The following CCSER1 variants were observed in gnomAD, a reference collection of about 807,000 sequenced individuals.
The protein encoded by CCSER1 is coiled-coil serine rich protein 1.
Under a neutral mutation model 82.0 loss-of-function variants are expected in CCSER1, and 41 were observed. The observed-to-expected ratio is 0.50, with a 90% confidence interval of 0.39 to 0.65. The LOEUF is 0.65. Among genes scored for constraint, CCSER1 ranks in the 30% least tolerant of loss-of-function variants. The pLI, the probability that CCSER1 is intolerant of heterozygous loss-of-function variation, is 0.00. For missense variants in CCSER1, 1,119 were observed against 1,064.2 expected (o/e 1.05, Z -0.72); for synonymous variants, 414 against 383.9 (o/e 1.08, Z -0.92).
intron 10 of CCSER1, among the ~76,000 whole-genome samples, chr4:91,471,630 T>C (rs1203697145): frequency 6.6e-6 from 1 of 152,140 alleles, no homozygotes; most frequent in African/African-American, 2.4e-5. Flanking sequence ...TCTTTTCCCT[T>C]CAGACTGACT....
chr4:91,232,329 T>A (rs1250762059), intron 10 of CCSER1, among the ~76,000 whole-genome samples: 1 of 151,822 alleles, frequency 6.6e-6, no homozygotes, highest in Non-Finnish European at 1.5e-5. Flanking sequence ...AATCTCAATA[T>A]CCACTGACAG....
chr4:90,400,983 C>T (rs1190526636), intron 4 of CCSER1, among the ~76,000 whole-genome samples: 3 of 151,792 alleles, frequency 2.0e-5, no homozygotes, highest in African/African-American at 7.3e-5. Context: ...ATTTTTAATT[C>T]GTGGAAATTA....
At chr4:90,987,764 G>C (rs571051261) in intron 9 of CCSER1, among the ~76,000 whole-genome samples, 1 of 151,752 alleles carries the variant, frequency 6.6e-6, no homozygotes, top group African/African-American at 2.4e-5. Context: ...AGATCTCTGA[G>C]GATGCAAACT....
chr4:91,574,657 C>T (rs1297154289), intron 10 of CCSER1, among the ~76,000 whole-genome samples: 1 of 151,940 alleles, frequency 6.6e-6, no homozygotes, highest in Non-Finnish European at 1.5e-5. Flanking sequence ...AAACTAAATA[C>T]CTCATGTTCT....
At chr4:91,365,981 A>G (rs754366764) in intron 10 of CCSER1, among the ~76,000 whole-genome samples, 6 of 152,220 alleles carry the variant, frequency 3.9e-5, no homozygotes, top group Non-Finnish European at 7.3e-5. Context: ...ACAGTTAACA[A>G]TTCATAGCCA....
intron 1 of CCSER1, among the ~76,000 whole-genome samples, chr4:90,169,734 A>G (rs1001048027): frequency 2.6e-5 from 4 of 151,972 alleles, no homozygotes; most frequent in Non-Finnish European, 4.4e-5. Flanking sequence ...CATTCTCACT[A>G]CATGCTTAAT....
At chr4:90,392,607 T>C (rs1751372731) in intron 3 of CCSER1, among the ~76,000 whole-genome samples, 1 of 152,150 alleles carries the variant, frequency 6.6e-6, no homozygotes, top group Non-Finnish European at 1.5e-5. Flanking sequence ...AATGACATCA[T>C]ATTATAATAA....
Position 91,587,363 on chromosome 4 carries a change from A to G in CCSER1, c.2218-11209A>G, listed in dbSNP as rs746383415. Among the ~76,000 whole-genome samples, 20 of 151,676 alleles carry G rather than the reference A, an allele frequency of 1.3e-4. No individual in the cohort carries two copies. In the East Asian group the frequency reaches 1.9e-3, roughly 15 times the overall value. Reference sequence around the variant, plus strand: ...TTCCTTCTGCTTTTAGAAAACTTCAATCTGGGGAATCCAGATCTATCCTAA... The same window carrying G: ...TTCCTTCTGCTTTTAGAAAACTTCAGTCTGGGGAATCCAGATCTATCCTAA... On this transcript the variant is annotated intron_variant, in intron 10 of 10. Transcript: ENST00000509176.
intron 5 of CCSER1, among the ~76,000 whole-genome samples, chr4:90,514,881 T>G (rs1167271445): frequency 1.3e-5 from 2 of 152,056 alleles, no homozygotes; most frequent in Admixed American, 6.5e-5. Flanking sequence ...TACTTTTTTT[T>G]TTTTTGAGAT....
intron 9 of CCSER1, among the ~76,000 whole-genome samples, chr4:91,026,210 A>G (rs2150542087): frequency 6.6e-6 from 1 of 152,260 alleles, no homozygotes; most frequent in East Asian, 1.9e-4. Context: ...TTTACACTGC[A>G]GACATATAAA....
At chr4:90,411,478 T>C (rs1754786483) in intron 4 of CCSER1, among the ~76,000 whole-genome samples, 1 of 152,010 alleles carries the variant, frequency 6.6e-6, no homozygotes, top group Non-Finnish European at 1.5e-5. Context: ...CATACGAAAA[T>C]CAATAAACGT....
At chr4:90,874,328 G>A (rs1430971867) in intron 8 of CCSER1, among the ~76,000 whole-genome samples, 1 of 152,050 alleles carries the variant, frequency 6.6e-6, no homozygotes, top group East Asian at 1.9e-4. Context: ...AGCACATAAA[G>A]CTAGTGGCCA....
chr4:90,837,577 C>T (rs1452969118), intron 8 of CCSER1, among the ~76,000 whole-genome samples: 1 of 151,900 alleles, frequency 6.6e-6, no homozygotes, highest in African/African-American at 2.4e-5. Context: ...TGAATACAAA[C>T]AAATAATAAA....
At chr4:90,725,497 T>G (rs1743480486) in intron 7 of CCSER1, among the ~76,000 whole-genome samples, 1 of 151,648 alleles carries the variant, frequency 6.6e-6, no homozygotes, top group Non-Finnish European at 1.5e-5. Context: ...TTATAGTGAC[T>G]TTTAATTTAC....
At chr4:90,340,356 C>A (rs1216767610) in intron 3 of CCSER1, among the ~76,000 whole-genome samples, 1 of 152,088 alleles carries the variant, frequency 6.6e-6, no homozygotes, top group African/African-American at 2.4e-5. Flanking sequence ...AGTTTGACTT[C>A]TTTGTTCTTT....
chr4:91,033,633 C>T (rs1348545574), intron 9 of CCSER1, among the ~76,000 whole-genome samples: 1 of 152,132 alleles, frequency 6.6e-6, no homozygotes, highest in Non-Finnish European at 1.5e-5. Context: ...CATGACCTGT[C>T]ATTTCTACTC....
intron 8 of CCSER1, among the ~76,000 whole-genome samples, chr4:90,818,024 A>G (rs562006303): frequency 1.3e-5 from 2 of 152,274 alleles, no homozygotes; most frequent in East Asian, 1.9e-4. Context: ...TCAGTTTTCT[A>G]TTCTTTCTCA....
At chr4:90,783,555 G>A (rs1240006941) in intron 7 of CCSER1, among the ~76,000 whole-genome samples, 1 of 152,168 alleles carries the variant, frequency 6.6e-6, no homozygotes, top group Non-Finnish European at 1.5e-5. Flanking sequence ...GGTTCTTACG[G>A]TAAGGAACTA....
chr4:90,230,365 A>G (rs953496020), intron 1 of CCSER1, among the ~76,000 whole-genome samples: 1 of 152,186 alleles, frequency 6.6e-6, no homozygotes, highest in African/African-American at 2.4e-5. Flanking sequence ...CTGCTCCTGA[A>G]TGACTACTGG....
Sources: gnomAD v4.1 joint callset for allele counts (sites outside exome capture counted in the v4.1 genomes callset) on GRCh38, gnomAD v4.1.1 for gene constraint, MANE v1.5 for transcripts, NCBI Gene and HGNC (gene_info 2026-07-23, HGNC 2026-07-21) for gene names.